GRIP1: variants seen among roughly 807,000 people sequenced by gnomAD.
GRIP1 encodes glutamate receptor interacting protein 1, also known as glutamate receptor-interacting protein 1.
In GRIP1, 45 loss-of-function variants were observed where a neutral mutation model predicts 129.9. That is an observed-to-expected ratio of 0.35 (90% CI 0.27 to 0.44). The LOEUF (loss-of-function observed/expected upper bound fraction) is 0.44. GRIP1 is among the 20% of genes least tolerant of loss of function. The pLI is 1.00. For synonymous variants in GRIP1, 530 were observed against 520.8 expected (o/e 1.02, Z -0.24); for missense variants, 1,196 against 1,396.8 (o/e 0.86, Z 2.29).
intron 1 of GRIP1, among the ~76,000 whole-genome samples, chr12:66,643,485 T>C (rs2032105993): frequency 6.6e-6 from 1 of 152,238 alleles, no homozygotes; most frequent in Non-Finnish European, 1.5e-5. Flanking sequence ...GTGGGGATAG[T>C]ACAATTCTGA....
At chr12:66,990,632 C>G (rs1023630091) in intron 1 of GRIP1, among the ~76,000 whole-genome samples, 1 of 152,228 alleles carries the variant, frequency 6.6e-6, no homozygotes, top group South Asian at 2.1e-4. Flanking sequence ...CATATCTGTT[C>G]TTCTCACTAA....
At chr12:66,560,443 A>G (rs1187548709) in intron 2 of GRIP1, among the ~76,000 whole-genome samples, 1 of 152,196 alleles carries the variant, frequency 6.6e-6, no homozygotes, top group East Asian at 1.9e-4. Flanking sequence ...TAGTAACCAG[A>G]ATATATAAGG....
intron 7 of GRIP1, among the ~76,000 whole-genome samples, chr12:66,478,321 C>T (rs147411096): frequency 1.3e-5 from 2 of 152,166 alleles, no homozygotes; most frequent in African/African-American, 4.8e-5. Context: ...TTCAAAACCA[C>T]AATGAGATAT....
At chr12:66,412,143 A>T (rs2057424003) in intron 15 of GRIP1, among the ~76,000 whole-genome samples, 1 of 152,204 alleles carries the variant, frequency 6.6e-6, no homozygotes, top group South Asian at 2.1e-4. Flanking sequence ...TCAATAAGAT[A>T]CTACAGGAGA....
At chr12:66,378,774 C>T (rs1030655019) in intron 20 of GRIP1, among the ~76,000 whole-genome samples, 1 of 151,770 alleles carries the variant, frequency 6.6e-6, no homozygotes, top group Non-Finnish European at 1.5e-5. Flanking sequence ...AAAAGTAATA[C>T]AATATAAAAT....
intron 19 of GRIP1, 90 bp from the exon 20 acceptor site, chr12:66,379,526 A>G (rs767272441): frequency 2.2e-5 from 28 of 1,256,098 alleles, no homozygotes; most frequent in Non-Finnish European, 3.2e-5. Context: ...GAGTCAAATT[A>G]TAACGGCAAT....
chr12:66,540,962 C>CT (rs1256003724), intron 3 of GRIP1, among the ~76,000 whole-genome samples: 3,137 of 148,106 alleles, frequency 0.021, 104 homozygotes, highest in African/African-American at 0.074. Flanking sequence ...TCACACCTGG[C>CT]TTTTTTTTTT....
chr12:67,025,775 G>T (rs914116217), intron 1 of GRIP1, among the ~76,000 whole-genome samples: 20 of 152,194 alleles, frequency 1.3e-4, no homozygotes, highest in Non-Finnish European at 2.4e-4. Context: ...AAGATAACAG[G>T]ATCCAGGCAA....
intron 1 of GRIP1, among the ~76,000 whole-genome samples, chr12:66,605,757 C>A (rs2064495078): frequency 6.6e-6 from 1 of 152,066 alleles, no homozygotes; most frequent in African/African-American, 2.4e-5. Context: ...TGATACATGT[C>A]AACTGCAGGC....
chr12:66,776,608 A>AGAG (rs1297022755), intron 1 of GRIP1, among the ~76,000 whole-genome samples: 1 of 152,228 alleles, frequency 6.6e-6, no homozygotes, highest in Non-Finnish European at 1.5e-5. Flanking sequence ...AAGGACATGC[A>AGAG]CAAGTAAATA....
chr12:66,460,308 G>C (rs10878429), intron 9 of GRIP1, among the ~76,000 whole-genome samples: 200 of 152,054 alleles, frequency 1.3e-3, no homozygotes, highest in African/African-American at 4.4e-3. Context: ...GCAGTCTCAA[G>C]AGATATATGG....
intron 1 of GRIP1, among the ~76,000 whole-genome samples, chr12:66,785,006 CTT>C (rs1202270001): frequency 6.6e-6 from 1 of 152,126 alleles, no homozygotes; most frequent in Admixed American, 6.5e-5. Flanking sequence ...TTCTGGCTCT[CTT>C]TCTTATCACA....
intron 7 of GRIP1, among the ~76,000 whole-genome samples, chr12:66,502,927 A>G (rs2060429986): frequency 1.3e-5 from 2 of 152,188 alleles, no homozygotes; most frequent in African/African-American, 4.8e-5. Flanking sequence ...AACAATTAGC[A>G]TATTAGAAAT....
chr12:66,541,671 C>A (rs2061785184), intron 3 of GRIP1, 144 bp downstream of exon 3: 3 of 856,570 alleles, frequency 3.5e-6, no homozygotes, highest in South Asian at 2.7e-5. Flanking sequence ...CTGAAACGTG[C>A]CCCACTGTGC....
intron 1 of GRIP1, among the ~76,000 whole-genome samples, chr12:66,728,341 C>T (rs1478649133): frequency 1.3e-5 from 2 of 152,140 alleles, no homozygotes; most frequent in South Asian, 4.1e-4. Flanking sequence ...TGCAGGGCTG[C>T]AACGGCTCAT....
intron 1 of GRIP1, among the ~76,000 whole-genome samples, chr12:66,832,162 G>A (rs1448867056): frequency 6.6e-6 from 1 of 152,104 alleles, no homozygotes; most frequent in Non-Finnish European, 1.5e-5. Flanking sequence ...ATATCAAGAG[G>A]TCATTCAGTT....
intron 15 of GRIP1, among the ~76,000 whole-genome samples, chr12:66,416,861 T>C (rs2057622548): frequency 6.6e-6 from 1 of 152,000 alleles, no homozygotes; most frequent in Non-Finnish European, 1.5e-5. Flanking sequence ...GCTAAAACTA[T>C]TCTGAAAAAT....
In GRIP1 at chr12:66,596,903, G is replaced by A. The variant is rs889678734; in HGVS notation, c.80C>T (p.Ala27Val). 1 of 1,613,262 alleles carries A rather than the reference G, an allele frequency of 6.2e-7. No individual in the cohort carries two copies. Among genetic ancestry groups the A allele is most frequent in the African/African-American group, 1.3e-5 (1 of 74,998 alleles). Reference sequence around the variant, plus strand: ...TCCATCAGGCGGCTTTGTCTGGCTGGCGGATTTAGTGTAGGGACTCTCATC... The same window carrying A: ...TCCATCAGGCGGCTTTGTCTGGCTGACGGATTTAGTGTAGGGACTCTCATC... The part of the protein sequence containing the change: ...TKDESPYTKS[A>V]SQTKPPDGAL... Residue 27 changes from alanine to valine, a missense_variant, in exon 2 of 25, where the codon GCC becomes GTC. Transcript: ENST00000359742.
intron 1 of GRIP1, among the ~76,000 whole-genome samples, chr12:67,015,280 T>C (rs2042769341): frequency 6.6e-6 from 1 of 152,172 alleles, no homozygotes; most frequent in African/African-American, 2.4e-5. Flanking sequence ...ACTTGAGAAA[T>C]TGCAATCTTT....
Sources: gnomAD v4.1 joint callset for allele counts (sites outside exome capture counted in the v4.1 genomes callset) on GRCh38, gnomAD v4.1.1 for gene constraint, MANE v1.5 for transcripts, NCBI Gene and HGNC (gene_info 2026-07-23, HGNC 2026-07-21) for gene names.